Variants in TRAF3IP1 observed in about 807,000 individuals in gnomAD.
The protein encoded by TRAF3IP1 is TRAF3-interacting protein 1.
Under a neutral mutation model 89.9 loss-of-function variants are expected in TRAF3IP1, and 53 were observed. The ratio of observed to expected loss-of-function variants is 0.59; its 90% CI spans 0.47 to 0.74. The LOEUF (loss-of-function observed/expected upper bound fraction) is 0.74, where lower values mean the gene tolerates loss of function less well. Among genes scored for constraint, TRAF3IP1 ranks in the 30% least tolerant of loss-of-function variants. The pLI, the probability that TRAF3IP1 is intolerant of heterozygous loss-of-function variation, is 0.00. For missense variants in TRAF3IP1, 806 were observed against 866.1 expected, an observed-to-expected ratio of 0.93 and a Z score of 0.87; for synonymous variants, 311 against 322.1, an observed-to-expected ratio of 0.97 and a Z score of 0.37.
At position 238,341,548 on chromosome 2, in the gene TRAF3IP1, A is replaced by ATTT. The variant is rs1559364578; in HGVS notation, c.1160-2949_1160-2948insTTT. Among the ~76,000 whole-genome samples the ATTT allele has an allele frequency of 6.1e-3, 774 of 126,316 alleles. 8 individuals are homozygous for ATTT. Among genetic ancestry groups the ATTT allele is most frequent in the African/African-American group, 0.022 (634 of 28,842 alleles). The allele number at this position is 126,316 out of a possible 152,430, so 82.9% of individuals were successfully genotyped here. On this transcript the variant is annotated intron_variant, in intron 8 of 16. Transcript: ENST00000373327. ...TTTTCTATTCTTTTTTTTTTTTTTA[A>ATTT]AAAAAAAACACTGGCTATTTGATGA...
chr2:238,365,481 C>A (rs1044605858), intron 15 of TRAF3IP1, among the ~76,000 whole-genome samples: 1 of 151,924 alleles, frequency 6.6e-6, no homozygotes, highest in Non-Finnish European at 1.5e-5. Flanking sequence ...GGCAACATAG[C>A]GAGACACCAT....
In TRAF3IP1 at chr2:238,398,885, TG is replaced by T. The variant is rs768255999; in HGVS notation, c.2044del (p.Val682TyrfsTer6). ...AAGAATGAAGAAAAAATCCAGAAAA[TG>T]GTATATAGTATCAATTTGACTTCGA... ...ILKNEEKIQKMVYSINLTSRR is the reference protein window; with the variant it reads ...ILKNEEKIQKXVYSINLTSRR On this transcript the variant is annotated frameshift_variant, in exon 17 of 17. Coordinates refer to ENST00000373327, the MANE Select transcript of TRAF3IP1 (RefSeq NM_015650.4). LOFTEE classifies it high-confidence loss of function. 8.4e-5 allele frequency: 135 copies of T among 1,611,808 alleles called. No homozygotes were observed. The highest frequency in any genetic ancestry group is 7.5e-5 in the Non-Finnish European group (88 of 1,179,406).
At chr2:238,373,169 G>T (rs1475741777) in intron 15 of TRAF3IP1, among the ~76,000 whole-genome samples, 1 of 152,146 alleles carries the variant, frequency 6.6e-6, no homozygotes, top group African/African-American at 2.4e-5. Context: ...GGCTTTTGTT[G>T]CCATTGCTTT....
intron 14 of TRAF3IP1, among the ~76,000 whole-genome samples, chr2:238,353,971 G>A (rs1356727099): frequency 1.3e-5 from 2 of 152,052 alleles, no homozygotes; most frequent in Non-Finnish European, 2.9e-5. Context: ...ACAGGTTTTC[G>A]CTACGTTGGC....
Position 238,329,085 on chromosome 2 carries a change from G to A in TRAF3IP1, c.658G>A (p.Ala220Thr). 4 of 1,545,436 alleles carry A rather than the reference G, an allele frequency of 2.6e-6. No individual in the cohort carries two copies. The highest frequency in any genetic ancestry group is 3.5e-6 in the Non-Finnish European group (4 of 1,141,820). Residue 220 changes from alanine (A) to threonine (T), a missense_variant, in exon 5 of 17, where the codon GCC becomes ACC. By Grantham distance (58) the Ala-to-Thr change is moderately conservative. Transcript: ENST00000373327. ...ACACAGAGAAGGGGAGAGAGAGAGA[G>A]CCAAAGCCCGGGCCAGGCCAGACAA... ...NRHREGERERAKARARPDNER... is the reference protein window; with the variant it reads ...NRHREGERERTKARARPDNER...
intron 15 of TRAF3IP1, among the ~76,000 whole-genome samples, chr2:238,388,589 A>G (rs750119543): frequency 2.5e-4 from 36 of 145,594 alleles, no homozygotes; most frequent in Non-Finnish European, 5.0e-4. Context: ...TATGAAGAAC[A>G]CAACTTTTTT....
In TRAF3IP1 at chr2:238,329,349, T is replaced by G; in HGVS notation, c.915+7T>G. On this transcript the variant is annotated splice_region_variant and intron_variant, in intron 5 of 16. Transcript: ENST00000373327. Reference sequence around the variant, plus strand: ...TGACAAACCTGAGAAAAAGGTAAAGTCTTGCTGAGAACCTCGCCTTTTGCT... The same window carrying G: ...TGACAAACCTGAGAAAAAGGTAAAGGCTTGCTGAGAACCTCGCCTTTTGCT... 1 of 1,350,790 alleles carries G rather than the reference T, an allele frequency of 7.4e-7. No individual in the cohort carries two copies. Among genetic ancestry groups the G allele is most frequent in the Non-Finnish European group, 9.6e-7 (1 of 1,043,292 alleles). 83.7% of individuals were successfully genotyped at this position (1,350,790 alleles called of 1,614,324 possible). A position where few individuals can be genotyped will look rare whatever the true frequency, so the allele number is the denominator to read the frequency against.
chr2:238,364,087 A>T (rs1447717843), intron 15 of TRAF3IP1, among the ~76,000 whole-genome samples: 2 of 152,256 alleles, frequency 1.3e-5, no homozygotes, highest in East Asian at 3.8e-4. Context: ...TAAAAAATAC[A>T]AAACAGGTGT....
intron 7 of TRAF3IP1, among the ~76,000 whole-genome samples, chr2:238,335,972 A>G (rs1362100188): frequency 1.3e-5 from 2 of 151,656 alleles, no homozygotes; most frequent in African/African-American, 4.8e-5. Context: ...TTGTATTTTT[A>G]GTAGAGACAG....
intron 15 of TRAF3IP1, among the ~76,000 whole-genome samples, chr2:238,380,666 T>C (rs867576372): frequency 6.6e-6 from 1 of 152,248 alleles, no homozygotes; most frequent in African/African-American, 2.4e-5. Context: ...GCAGCCTCAG[T>C]TACCTGTGAT....
chr2:238,368,256 G>A (rs1191905533), intron 15 of TRAF3IP1, among the ~76,000 whole-genome samples: 2 of 152,160 alleles, frequency 1.3e-5, no homozygotes, highest in African/African-American at 2.4e-5. Flanking sequence ...ACGAAACAAT[G>A]GCACAACTTT....
At chr2:238,391,717 C>T (rs1701002844) in intron 15 of TRAF3IP1, among the ~76,000 whole-genome samples, 1 of 152,130 alleles carries the variant, frequency 6.6e-6, no homozygotes, top group African/African-American at 2.4e-5. Context: ...CAGATTACCT[C>T]TTAGTGTCTT....
At chr2:238,343,233 G>C (rs886317693) in intron 8 of TRAF3IP1, among the ~76,000 whole-genome samples, 3 of 151,846 alleles carry the variant, frequency 2.0e-5, no homozygotes, top group Non-Finnish European at 4.4e-5. Flanking sequence ...CTACAGGCAT[G>C]TGCCACCACA....
At chr2:238,390,985 C>T (rs180830273) in intron 15 of TRAF3IP1, among the ~76,000 whole-genome samples, 16 of 152,196 alleles carry the variant, frequency 1.1e-4, no homozygotes, top group African/African-American at 3.9e-4. Context: ...AAAAGGGTTT[C>T]GCTCTGTTGC....
chr2:238,358,624 T>C (rs1699528850), intron 15 of TRAF3IP1, among the ~76,000 whole-genome samples: 1 of 152,254 alleles, frequency 6.6e-6, no homozygotes, highest in African/African-American at 2.4e-5. Flanking sequence ...ACTTGGTGTG[T>C]ATCTCTACTT....
At chr2:238,324,373 T>C (rs1283272841) in intron 1 of TRAF3IP1, among the ~76,000 whole-genome samples, 1 of 151,814 alleles carries the variant, frequency 6.6e-6, no homozygotes, top group Non-Finnish European at 1.5e-5. Flanking sequence ...CAGCCAAAGT[T>C]CCTTTTCTTT....
intron 12 of TRAF3IP1, among the ~76,000 whole-genome samples, chr2:238,350,565 T>A (rs560519544): frequency 1.3e-5 from 2 of 152,128 alleles, no homozygotes; most frequent in East Asian, 3.9e-4. Flanking sequence ...GATCCTACTT[T>A]GGGGACACTG....
rs1180888424 is a variant in TRAF3IP1, at chr2:238,399,958, A to G, written c.*1039A>G. On this transcript the variant is annotated 3_prime_UTR_variant, in exon 17 of 17. Transcript: ENST00000373327. The stretch of plus-strand genomic sequence containing the variant: ...TTAGCAGAGTCTTAAGTTACTGTAT[A>G]AAACATTTCATTGTGTTTGAAGACA... 3 of 152,212 alleles carry G rather than the reference A, an allele frequency of 2.0e-5. No homozygotes were observed. The highest frequency in any genetic ancestry group is 4.8e-5 in the African/African-American group (2 of 41,440). The allele number at this position is 152,212 out of a possible 1,614,324, so 9.4% of individuals were successfully genotyped here.
At chr2:238,350,539 G>T (rs1559370410) in intron 12 of TRAF3IP1, among the ~76,000 whole-genome samples, 1 of 152,146 alleles carries the variant, frequency 6.6e-6, no homozygotes, top group Non-Finnish European at 1.5e-5. Context: ...TGGAGCAGAG[G>T]TTTTCCTCTA....
Sources: allele counts gnomAD v4.1 joint callset (sites outside exome capture counted in the v4.1 genomes callset), GRCh38; gene constraint gnomAD v4.1.1; transcripts MANE v1.5; gene names NCBI Gene and HGNC (gene_info 2026-07-23, HGNC 2026-07-21).